The following BPTF variants were observed in gnomAD, a reference collection of about 807,000 sequenced individuals.
The protein encoded by BPTF is bromodomain PHD finger transcription factor, also known as nucleosome-remodeling factor subunit BPTF.
BPTF carries 18 observed loss-of-function variants against 292.5 expected under a neutral mutation model. That is an observed-to-expected ratio of 0.06 (90% CI 0.04 to 0.09). The LOEUF is 0.09. BPTF is among the 10% of genes least tolerant of loss of function. BPTF has a pLI of 1.00. For synonymous variants in BPTF, 1,225 were observed against 1,251.9 expected (o/e 0.98, Z 0.45); for missense variants, 2,726 against 3,498.7 (o/e 0.78, Z 5.57).
In BPTF at chr17:67,903,658, G is replaced by A. The variant is rs558586724; in HGVS notation, c.2544-131G>A. On this transcript the variant is annotated intron_variant, in intron 7 of 27. Coordinates refer to ENST00000306378, the MANE Select transcript of BPTF (RefSeq NM_182641.4). ...AATTGTACAACTACAACTAAGTTTT[G>A]TCAGTTGGGGTTGTCTGGTTTGTAG... 341 of 756,436 alleles carry A rather than the reference G, an allele frequency of 4.5e-4. 5 individuals carry two copies. The South Asian group carries it at 0.012, about 26-fold the overall frequency. The allele number at this position is 756,436 out of a possible 1,614,324, so 46.9% of individuals were successfully genotyped here. A position where few individuals can be genotyped will look rare whatever the true frequency, so the allele number is the denominator to read the frequency against.
chr17:67,917,418 C>G (rs1390819300), intron 11 of BPTF, among the ~76,000 whole-genome samples: 1 of 151,868 alleles, frequency 6.6e-6, no homozygotes, highest in Non-Finnish European at 1.5e-5. Flanking sequence ...CCACTGCGCC[C>G]AGCTGATATT....
At position 67,844,073 on chromosome 17, in the gene BPTF, T is replaced by A. The variant is rs1300403200; in HGVS notation, c.614-9867T>A. Among the ~76,000 whole-genome samples, 3 of 72,958 alleles carry A rather than the reference T, an allele frequency of 4.1e-5. No homozygotes were observed. In the South Asian group the frequency reaches 1.3e-3, roughly 32 times the overall value. The allele number at this position is 72,958 out of a possible 152,430, so 47.9% of individuals were successfully genotyped here. ...AGCCACCGTGCCCGGCCCCCGCCTT[T>A]TTTTTTTTTTTTTTTTTTTTTTTTA... On this transcript the variant is annotated intron_variant, in intron 1 of 27. Transcript: ENST00000306378.
chr17:67,917,708 C>T (rs933174617), intron 11 of BPTF, among the ~76,000 whole-genome samples: 1 of 152,140 alleles, frequency 6.6e-6, no homozygotes, highest in Non-Finnish European at 1.5e-5. Flanking sequence ...TCTTGGCTCA[C>T]TGCAGCCTCT....
At position 67,961,171 on chromosome 17, in the gene BPTF, A is replaced by G. The variant is rs2067444977; in HGVS notation, c.8261+1296A>G. Among the ~76,000 whole-genome samples the G allele has an allele frequency of 2.6e-5, 4 of 152,350 alleles. No individual in the cohort carries two copies. The South Asian group carries it at 8.3e-4, about 32-fold the overall frequency. ...CCTGTTTAGAGTATTCAGATCACAG[A>G]AATTGATTTCACACACAACTTCTTT... On this transcript the variant is annotated intron_variant, in intron 24 of 27. Transcript: ENST00000306378.
chr17:67,967,682 G>A (rs1302410613), intron 26 of BPTF, among the ~76,000 whole-genome samples: 2 of 152,032 alleles, frequency 1.3e-5, no homozygotes, highest in African/African-American at 4.8e-5. Context: ...AGCCAGTTGT[G>A]GTGGCAGGCA....
At chr17:67,910,430 A>G (rs2062574663) in intron 10 of BPTF, among the ~76,000 whole-genome samples, 1 of 152,140 alleles carries the variant, frequency 6.6e-6, no homozygotes, top group Non-Finnish European at 1.5e-5. Context: ...GAGGAACTAC[A>G]TTGTCTTTTG....
chr17:67,960,953 T>G (rs1185325162), intron 24 of BPTF, among the ~76,000 whole-genome samples: 1 of 152,230 alleles, frequency 6.6e-6, no homozygotes, highest in African/African-American at 2.4e-5. Context: ...TTTCATTATC[T>G]TATCTCATTG....
At chr17:67,903,416 A>T (rs531126862) in intron 7 of BPTF, among the ~76,000 whole-genome samples, 2 of 152,352 alleles carry the variant, frequency 1.3e-5, no homozygotes, top group Non-Finnish European at 2.9e-5. Context: ...AAGATCTTCT[A>T]GTGTAATTAT....
Position 67,940,456 on chromosome 17 carries a change from A to G in BPTF, c.6277A>G (p.Met2093Val). 1.2e-6 allele frequency: 2 copies of G among 1,614,122 alleles called. No individual in the cohort carries two copies. The highest frequency in any genetic ancestry group is 1.7e-6 in the Non-Finnish European group (2 of 1,180,016). Residue 2093 changes from methionine (M) to valine (V), a missense_variant, in exon 19 of 28, where the codon ATG becomes GTG. Met to Val is a conservative substitution (Grantham distance 21). This residue lies in a region of BPTF where 570 missense variants were observed against 633.5 expected (regional missense o/e 0.90). Transcript: ENST00000306378. ...TTGGGTAGGTGCTCCTCAGCAAGTG[A>G]TGACTCAAATCATCAGGGGGCAGCC... ...MVQPGAPQQV[M>V]TQIIRGQPVS... is the part of the protein sequence containing the mutation.
chr17:67,891,183 A>G lies in BPTF; in HGVS notation c.1865-661A>G, dbSNP rs543759270. ...AGCAACAGAATGAGACCCTGTCTCAAAAAAAAGAAAAAAAAAATTCAGCCA... is the reference window on the plus strand; with the variant it reads ...AGCAACAGAATGAGACCCTGTCTCAGAAAAAAGAAAAAAAAAATTCAGCCA... On this transcript the variant is annotated intron_variant, in intron 4 of 27. Transcript: ENST00000306378. 7.9e-5 allele frequency among the ~76,000 whole-genome samples: 12 copies of G among 152,284 alleles called. No individual in the cohort carries two copies. The South Asian group carries it at 2.5e-3, about 32-fold the overall frequency.
intron 2 of BPTF, among the ~76,000 whole-genome samples, chr17:67,863,117 C>A (rs62084240): frequency 0.19 from 28,358 of 151,904 alleles, 3,668 homozygotes; most frequent in East Asian, 0.66. Context: ...GTCTCACAGT[C>A]CTGGAGGCCA....
At chr17:67,858,698 G>A (rs1421915799) in intron 2 of BPTF, among the ~76,000 whole-genome samples, 2 of 152,178 alleles carry the variant, frequency 1.3e-5, no homozygotes, top group Admixed American at 6.5e-5. Context: ...GCAGTCTCAA[G>A]TGCCCTCCTG....
At chr17:67,840,351 C>T (rs1428563629) in intron 1 of BPTF, among the ~76,000 whole-genome samples, 4 of 152,124 alleles carry the variant, frequency 2.6e-5, no homozygotes, top group Non-Finnish European at 5.9e-5. Context: ...AAGCAATCCA[C>T]CTGCCTCGGC....
chr17:67,938,348 C>T (rs2065091303), intron 18 of BPTF, among the ~76,000 whole-genome samples: 1 of 152,144 alleles, frequency 6.6e-6, no homozygotes, highest in African/African-American at 2.4e-5. Context: ...TATAGGAGTT[C>T]TCAAATTAAA....
chr17:67,964,904 C>CGGGCGGATCACA (rs2067904987), intron 25 of BPTF: 1 of 135,336 alleles, frequency 7.4e-6, no homozygotes, highest in African/African-American at 2.8e-5. Flanking sequence ...GAGGTTGAGG[C>CGGGCGGATCACA]AGGAGAATGG....
intron 26 of BPTF, among the ~76,000 whole-genome samples, chr17:67,971,650 C>A (rs1251682224): frequency 6.6e-6 from 1 of 151,346 alleles, no homozygotes; most frequent in South Asian, 2.1e-4. Flanking sequence ...CTAAAAATAC[C>A]AAAATTAGTC....
intron 26 of BPTF, chr17:67,975,084 T>C (rs190887474): frequency 6.6e-6 from 1 of 152,260 alleles, no homozygotes; most frequent in Admixed American, 6.5e-5. Flanking sequence ...ACTCCGGAGA[T>C]TCCAACCGTG....
Position 67,928,524 on chromosome 17 carries a change from C to G in BPTF, c.5921C>G (p.Ala1974Gly), listed in dbSNP as rs1202887090. 2 of 1,614,114 alleles carry G rather than the reference C, an allele frequency of 1.2e-6. No homozygotes were observed. Among genetic ancestry groups the G allele is most frequent in the East Asian group, 2.2e-5 (1 of 44,876 alleles). Reference protein sequence around the residue: ...MVLTTKVGSPATVTFQQNKNF... With the variant: ...MVLTTKVGSPGTVTFQQNKNF... Reference sequence around the variant, plus strand: ...CTAACTACTAAAGTTGGATCTCCAGCTACAGTAACATTCCAACAAAACAAG... The same window carrying G: ...CTAACTACTAAAGTTGGATCTCCAGGTACAGTAACATTCCAACAAAACAAG... The change falls in exon 16 of 28, where the codon GCT (alanine) becomes GGT (glycine). Residue 1974 changes from alanine to glycine, a missense_variant. Physicochemically the swap from Ala to Gly is moderately conservative, Grantham distance 60. Around this residue, in one of 22 missense-constraint regions of BPTF, gnomAD observed 198 missense variants for 277.1 expected, o/e 0.71. Transcript: ENST00000306378.
rs11418428 is a variant in BPTF, at chr17:67,870,766, C to CTTTTT, written c.1661-4034_1661-4030dup. On this transcript the variant is annotated intron_variant, in intron 3 of 27. Coordinates refer to ENST00000306378, the MANE Select transcript of BPTF (RefSeq NM_182641.4). ...ACCTCTCAAAGAAAATGCTTCATTT[C>CTTTTT]TTTTTTTTTTTTTTTTTTTTTGAGA... Among the ~76,000 whole-genome samples the CTTTTT allele has an allele frequency of 2.3e-3, 249 of 106,320 alleles. 1 individual carries two copies. Among genetic ancestry groups the CTTTTT allele is most frequent in the East Asian group, 6.0e-3 (21 of 3,496 alleles). 69.8% of individuals were successfully genotyped at this position (106,320 alleles called of 152,430 possible). A position where few individuals can be genotyped will look rare whatever the true frequency, so the allele number is the denominator to read the frequency against.
Sources: allele counts gnomAD v4.1 joint callset (sites outside exome capture counted in the v4.1 genomes callset), GRCh38; gene constraint gnomAD v4.1.1; regional missense constraint gnomAD v4.1.1; transcripts MANE v1.5; gene names NCBI Gene and HGNC (gene_info 2026-07-23, HGNC 2026-07-21).